LMO7: variants seen among roughly 807,000 people sequenced by gnomAD.
LMO7 encodes LIM domain 7.
Under a neutral mutation model 206.5 loss-of-function variants are expected in LMO7, and 120 were observed. That is an observed-to-expected ratio of 0.58 (90% CI 0.50 to 0.68). The LOEUF is 0.68. Ranked by LOEUF, LMO7 falls within the 30% of genes least tolerant of loss-of-function variation. The pLI, the probability that LMO7 is intolerant of heterozygous loss-of-function variation, is 0.00. For synonymous variants in LMO7, 706 were observed against 681.5 expected (o/e 1.04, Z -0.56); for missense variants, 1,959 against 1,957.9 (o/e 1.00, Z -0.01).
intron 2 of LMO7, among the ~76,000 whole-genome samples, chr13:75,626,593 A>ATATATATAT (rs1566249204): frequency 1.5e-5 from 1 of 64,664 alleles, no homozygotes; most frequent in African/African-American, 3.7e-5. Flanking sequence ...ATATATATAT[A>ATATATATAT]AATTTTTTTG....
At chr13:75,697,262 C>T (rs9573619) in intron 1 of LMO7, among the ~76,000 whole-genome samples, 10,016 of 152,084 alleles carry the variant, frequency 0.066, 675 homozygotes, top group African/African-American at 0.17. Context: ...TGTATTAGTC[C>T]ATTCTCATGC....
chr13:75,841,340 C>T, intron 23 of LMO7, 139 bp downstream of exon 23: 1 of 642,368 alleles, frequency 1.6e-6, no homozygotes, highest in Non-Finnish European at 2.7e-6. Context: ...ATACAATGAG[C>T]TCTGATTTGT....
intron 3 of LMO7, among the ~76,000 whole-genome samples, chr13:75,750,770 C>T (rs112551640): frequency 2.0e-5 from 3 of 152,214 alleles, no homozygotes; most frequent in Admixed American, 6.5e-5. Context: ...TTGGCAGGCT[C>T]CCAGGTGACC....
chr13:75,782,843 G>A (rs1247896354), intron 4 of LMO7, among the ~76,000 whole-genome samples: 1 of 152,176 alleles, frequency 6.6e-6, no homozygotes, highest in Non-Finnish European at 1.5e-5. Flanking sequence ...AAGGACACTT[G>A]TGATTATGTT....
At chr13:75,671,693 C>A (rs189385998) in intron 1 of LMO7, among the ~76,000 whole-genome samples, 30 of 152,262 alleles carry the variant, frequency 2.0e-4, no homozygotes, top group African/African-American at 7.0e-4. Flanking sequence ...TCACGTCTTA[C>A]AATAGAAATT....
intron 1 of LMO7, among the ~76,000 whole-genome samples, chr13:75,686,845 G>A (rs769968901): frequency 6.6e-6 from 1 of 152,152 alleles, no homozygotes; most frequent in Non-Finnish European, 1.5e-5. Context: ...GGCACCAGAA[G>A]ATCTGGAAGT....
chr13:75,702,932 G>A (rs2042377173), intron 1 of LMO7, among the ~76,000 whole-genome samples: 2 of 152,186 alleles, frequency 1.3e-5, no homozygotes, highest in South Asian at 4.1e-4. Context: ...CAAATTAATA[G>A]TGGTGACAAG....
At chr13:75,632,924 G>C (rs911590421), upstream of LMO7, among the ~76,000 whole-genome samples, 4 of 134,082 alleles carry the variant, frequency 3.0e-5, no homozygotes, top group East Asian at 4.3e-4. Flanking sequence ...GCAGTGCCGT[G>C]GTCTCGGCTC....
chr13:75,742,630 C>G (rs1566377581), intron 3 of LMO7, among the ~76,000 whole-genome samples: 1 of 152,174 alleles, frequency 6.6e-6, no homozygotes, highest in Non-Finnish European at 1.5e-5. Flanking sequence ...GGAAAGGACT[C>G]CCTATTCAAT....
At chr13:75,686,263 G>A (rs1029559164) in intron 1 of LMO7, among the ~76,000 whole-genome samples, 3 of 152,144 alleles carry the variant, frequency 2.0e-5, no homozygotes, top group South Asian at 2.1e-4. Context: ...CACAATCATG[G>A]TGGAAGGTGA....
Position 75,841,861 on chromosome 13 carries a change from G to C in LMO7, c.3909G>C (p.Gln1303His). The change falls in exon 24 of 31, where the codon CAG becomes CAC. Residue 1303 changes from glutamine (Q) to histidine (H), a missense_variant. Transcript: ENST00000377534. The part of the protein sequence containing the change: ...ERERKWEQQL[Q>H]EEQEQKRLQA... ...AGAGGAAATGGGAGCAACAGCTTCA[G>C]GAAGAGCAAGAGCAAAAGCGGCTTC... 1 of 1,614,150 alleles carries C rather than the reference G, an allele frequency of 6.2e-7. No homozygotes were observed. The highest frequency in any genetic ancestry group is 8.5e-7 in the Non-Finnish European group (1 of 1,180,010).
intron 3 of LMO7, among the ~76,000 whole-genome samples, chr13:75,744,135 AT>A (rs1223666814): frequency 2.4e-4 from 37 of 152,290 alleles, no homozygotes; most frequent in Admixed American, 6.5e-5. Flanking sequence ...TTCTTAGGAA[AT>A]TTCCTTGAGT....
chr13:75,809,260 G>A, intron 11 of LMO7, 77 bp downstream of exon 11: 1 of 1,275,216 alleles, frequency 7.8e-7, no homozygotes, highest in Non-Finnish European at 1.1e-6. Flanking sequence ...TTCTGGCATG[G>A]CATGTCACTA....
chr13:75,666,043 T>C (rs1201389490), intron 1 of LMO7, among the ~76,000 whole-genome samples: 1 of 152,254 alleles, frequency 6.6e-6, no homozygotes, highest in Non-Finnish European at 1.5e-5. Context: ...ACATTTGTCA[T>C]AGAATATTCT....
chr13:75,827,176 G>A (rs536049524), intron 15 of LMO7, among the ~76,000 whole-genome samples: 11 of 152,228 alleles, frequency 7.2e-5, no homozygotes, highest in African/African-American at 2.4e-4. Flanking sequence ...AAGTTTTACG[G>A]ACTTGAACTG....
intron 1 of LMO7, among the ~76,000 whole-genome samples, chr13:75,695,958 T>G (rs2041867009): frequency 6.6e-6 from 1 of 152,200 alleles, no homozygotes; most frequent in African/African-American, 2.4e-5. Flanking sequence ...AGGGGAAAAC[T>G]GGTCCCAAGG....
At chr13:75,811,913 A>C (rs558639635) in intron 11 of LMO7, among the ~76,000 whole-genome samples, 6 of 152,358 alleles carry the variant, frequency 3.9e-5, no homozygotes, top group African/African-American at 1.4e-4. Flanking sequence ...ATGAAGTTGT[A>C]ATAAAAGACA....
At chr13:75,706,745 A>G (rs2042688806) in intron 1 of LMO7, among the ~76,000 whole-genome samples, 1 of 152,184 alleles carries the variant, frequency 6.6e-6, no homozygotes. Flanking sequence ...ATTATGTTGT[A>G]AAATACCCTA....
In LMO7 at chr13:75,711,271, G is replaced by A. The variant is rs542416212; in HGVS notation, c.70-1911G>A. The stretch of plus-strand genomic sequence containing the variant: ...TGGTCTAAAATTCTCTTTTTTGGTT[G>A]TGTCTCTGCCAGGCTTTGGTATCAG... On this transcript the variant is annotated intron_variant, in intron 1 of 30. Transcript: ENST00000377534. Among the ~76,000 whole-genome samples, 57 of 152,198 alleles carry A rather than the reference G, an allele frequency of 3.7e-4. No homozygotes were observed. In the South Asian group the frequency reaches 0.01, roughly 28 times the overall value.
Sources: allele counts gnomAD v4.1 joint callset (sites outside exome capture counted in the v4.1 genomes callset), GRCh38; gene constraint gnomAD v4.1.1; transcripts MANE v1.5; gene names NCBI Gene and HGNC (gene_info 2026-07-23, HGNC 2026-07-21).